The following FGF10 variants were observed in gnomAD, a reference collection of about 807,000 sequenced individuals.
The protein encoded by FGF10 is fibroblast growth factor 10, also known as FGF-10.
A neutral mutation model predicts 19.8 loss-of-function variants in FGF10; 2 were observed. That is an observed-to-expected ratio of 0.10 (90% confidence interval 0.04 to 0.32). FGF10 has a LOEUF of 0.32. Ranked by LOEUF, FGF10 falls within the 10% of genes least tolerant of loss-of-function variation. The probability of loss-of-function intolerance (pLI) is 1.00; values close to 1 mark genes in which losing one functional copy is unlikely to be tolerated. For synonymous variants in FGF10, 112 were observed against 94.0 expected (o/e 1.19, Z -1.10); for missense variants, 191 against 246.3 (o/e 0.78, Z 1.50).
At chr5:44,319,688 G>T (rs1462717653) in intron 1 of FGF10, among the ~76,000 whole-genome samples, 2 of 152,112 alleles carry the variant, frequency 1.3e-5, no homozygotes, top group African/African-American at 4.8e-5. Context: ...TACTTAGTGG[G>T]TAATCATAAT....
intron 1 of FGF10, among the ~76,000 whole-genome samples, chr5:44,373,086 C>T (rs1741778302): frequency 6.6e-6 from 1 of 152,144 alleles, no homozygotes; most frequent in Non-Finnish European, 1.5e-5. Context: ...TATTTTAGTT[C>T]CAGCTGGCAG....
chr5:44,346,270 A>T (rs190814804), intron 1 of FGF10, among the ~76,000 whole-genome samples: 1 of 151,790 alleles, frequency 6.6e-6, no homozygotes, highest in Non-Finnish European at 1.5e-5. Context: ...TGTCAGTGCT[A>T]TCCAAAACCA....
intron 1 of FGF10, among the ~76,000 whole-genome samples, chr5:44,345,489 C>T (rs1741070928): frequency 6.6e-6 from 1 of 151,764 alleles, no homozygotes; most frequent in Non-Finnish European, 1.5e-5. Flanking sequence ...TTCTCTGCAA[C>T]ATGCTTGGGG....
chr5:44,372,775 A>G (rs539633089), intron 1 of FGF10, among the ~76,000 whole-genome samples: 1 of 152,326 alleles, frequency 6.6e-6, no homozygotes, highest in African/African-American at 2.4e-5. Context: ...TTCCAAAAGG[A>G]GAAAAATGTA....
At chr5:44,350,939 C>A (rs911945204) in intron 1 of FGF10, among the ~76,000 whole-genome samples, 2 of 151,190 alleles carry the variant, frequency 1.3e-5, no homozygotes, top group African/African-American at 4.8e-5. Context: ...GTAAATAATG[C>A]CCGCTGATAA....
intron 1 of FGF10, among the ~76,000 whole-genome samples, chr5:44,375,481 C>A (rs1240826296): frequency 2.0e-5 from 3 of 152,050 alleles, no homozygotes; most frequent in Non-Finnish European, 4.4e-5. Context: ...GGTTCTAGAA[C>A]TGAAATCAAC....
chr5:44,351,788 T>C (rs778541364), intron 1 of FGF10, among the ~76,000 whole-genome samples: 3 of 151,830 alleles, frequency 2.0e-5, no homozygotes, highest in African/African-American at 2.4e-5. Context: ...CAATAGTTTA[T>C]GATTCAGTGT....
intron 1 of FGF10, among the ~76,000 whole-genome samples, chr5:44,321,799 T>C (rs1740496884): frequency 6.6e-6 from 1 of 152,192 alleles, no homozygotes; most frequent in Admixed American, 6.5e-5. Context: ...TCTCACTCTG[T>C]TGCCCAGGCC....
intron 1 of FGF10, among the ~76,000 whole-genome samples, chr5:44,334,269 T>A (rs917431592): frequency 1.3e-5 from 2 of 152,086 alleles, no homozygotes; most frequent in African/African-American, 4.8e-5. Context: ...TGCCATATCA[T>A]CTCTGTACTC....
chr5:44,374,628 A>G (rs928421822), intron 1 of FGF10, among the ~76,000 whole-genome samples: 2 of 152,168 alleles, frequency 1.3e-5, no homozygotes, highest in African/African-American at 4.8e-5. Flanking sequence ...CACAGACAAG[A>G]CCACTCCCTT....
At chr5:44,310,718 C>T (rs17234513) in intron 1 of FGF10, among the ~76,000 whole-genome samples, 188 bp from the exon 2 acceptor site, 1 of 151,996 alleles carries the variant, frequency 6.6e-6, no homozygotes, top group Non-Finnish European at 1.5e-5. Flanking sequence ...CAAGTATTTC[C>T]AGCAAATATA....
chr5:44,343,838 T>A (rs1181669436), intron 1 of FGF10, among the ~76,000 whole-genome samples: 8 of 152,004 alleles, frequency 5.3e-5, no homozygotes, highest in African/African-American at 1.9e-4. Context: ...TAATAATTTG[T>A]CTTTAAAAAT....
intron 1 of FGF10, among the ~76,000 whole-genome samples, chr5:44,331,446 G>T (rs1487913124): frequency 6.6e-6 from 1 of 152,120 alleles, no homozygotes; most frequent in Non-Finnish European, 1.5e-5. Flanking sequence ...AAGGAAACTG[G>T]AAATGTGACT....
In FGF10 at chr5:44,302,339, C is replaced by T. The variant is rs1739986087; in HGVS notation, c.*2656G>A. Reference sequence around the variant, plus strand: ...CCTTCCTTCCTTCCTTCCTGTCTTTCTGTCTTTTCTCTCTTTCTTTTCTCT... The same window carrying T: ...CCTTCCTTCCTTCCTTCCTGTCTTTTTGTCTTTTCTCTCTTTCTTTTCTCT... On this transcript the variant is annotated 3_prime_UTR_variant, in exon 3 of 3. Transcript: ENST00000264664. Among the ~76,000 whole-genome samples the T allele has an allele frequency of 7.0e-6, 1 of 142,422 alleles. No individual in the cohort carries two copies. Among genetic ancestry groups the T allele is most frequent in the African/African-American group, 2.6e-5 (1 of 38,074 alleles). 93.4% of individuals were successfully genotyped at this position (142,422 alleles called of 152,430 possible). A position where few individuals can be genotyped will look rare whatever the true frequency, so the allele number is the denominator to read the frequency against.
At chr5:44,312,199 C>T (rs72763175) in intron 1 of FGF10, among the ~76,000 whole-genome samples, 13 of 140,748 alleles carry the variant, frequency 9.2e-5, no homozygotes, top group Non-Finnish European at 1.6e-4. Context: ...CTAAGGTACA[C>T]ACACACACAC....
intron 1 of FGF10, among the ~76,000 whole-genome samples, chr5:44,324,170 T>C (rs1431784450): frequency 6.6e-6 from 1 of 151,696 alleles, no homozygotes; most frequent in East Asian, 1.9e-4. Flanking sequence ...ATTGCTGGGA[T>C]CCAGATTAAA....
At chr5:44,368,573 T>C (rs980344271) in intron 1 of FGF10, among the ~76,000 whole-genome samples, 5 of 152,250 alleles carry the variant, frequency 3.3e-5, no homozygotes, top group East Asian at 1.9e-4. Context: ...AGGTCAAGCT[T>C]ATTAAATGAC....
At chr5:44,349,855 A>G (rs1267100442) in intron 1 of FGF10, among the ~76,000 whole-genome samples, 1 of 151,134 alleles carries the variant, frequency 6.6e-6, no homozygotes. Flanking sequence ...TTTGCCATCT[A>G]AAGTTATGAA....
intron 1 of FGF10, among the ~76,000 whole-genome samples, chr5:44,370,894 T>C (rs930171462): frequency 2.0e-5 from 3 of 149,552 alleles, no homozygotes; most frequent in African/African-American, 7.4e-5. Context: ...GGTAGGATGT[T>C]AAAGGAAATC....
Sources: gnomAD v4.1 joint callset for allele counts (sites outside exome capture counted in the v4.1 genomes callset) on GRCh38, gnomAD v4.1.1 for gene constraint, MANE v1.5 for transcripts, NCBI Gene and HGNC (gene_info 2026-07-23, HGNC 2026-07-21) for gene names.